ZNF385B: variants seen among roughly 807,000 people sequenced by gnomAD.
ZNF385B encodes zinc finger protein 385B, also known as zinc finger protein 533.
Under a neutral mutation model 39.2 loss-of-function variants are expected in ZNF385B, and 23 were observed. The observed-to-expected ratio is 0.59, with a 90% CI of 0.42 to 0.83. ZNF385B has a LOEUF of 0.83. ZNF385B is among the 40% of genes least tolerant of loss of function. The pLI, the probability that ZNF385B is intolerant of heterozygous loss-of-function variation, is 0.00. For missense variants in ZNF385B, 552 were observed against 598.9 expected (o/e 0.92, Z 0.82); for synonymous variants, 205 against 222.6 (o/e 0.92, Z 0.70).
At chr2:179,707,523 C>G (rs556395096) in intron 3 of ZNF385B, among the ~76,000 whole-genome samples, 14 of 152,326 alleles carry the variant, frequency 9.2e-5, no homozygotes, top group African/African-American at 3.1e-4. Flanking sequence ...AGCATGCTAT[C>G]TATGCTGGGC....
intron 3 of ZNF385B, among the ~76,000 whole-genome samples, chr2:179,634,087 C>A (rs575220640): frequency 1.6e-4 from 25 of 152,072 alleles, no homozygotes; most frequent in South Asian, 8.3e-4. Context: ...AAATGTTAGA[C>A]CTAAAACCAT....
Position 179,801,803 on chromosome 2 carries a change from A to T in ZNF385B, c.-154-31131T>A, listed in dbSNP as rs547676733. Reference sequence around the variant, plus strand: ...ATCACAGCACTGTGGAGGAACTAAGAAATGGAAAGTTGCAATATACAAAAT... The same window carrying T: ...ATCACAGCACTGTGGAGGAACTAAGTAATGGAAAGTTGCAATATACAAAAT... On this transcript the variant is annotated intron_variant, in intron 1 of 9. Transcript: ENST00000410066. Among the ~76,000 whole-genome samples the T allele has an allele frequency of 3.9e-5, 6 of 152,290 alleles. No individual in the cohort carries two copies. The East Asian group carries it at 1.2e-3, about 29-fold the overall frequency.
intron 3 of ZNF385B, among the ~76,000 whole-genome samples, chr2:179,619,016 T>C (rs969056437): frequency 2.0e-5 from 3 of 152,156 alleles, no homozygotes; most frequent in Non-Finnish European, 4.4e-5. Context: ...GTCTGTTTAC[T>C]AACAAAAAAT....
chr2:179,676,036 C>T (rs1696725565), intron 3 of ZNF385B, among the ~76,000 whole-genome samples: 1 of 151,208 alleles, frequency 6.6e-6, no homozygotes, highest in South Asian at 2.1e-4. Flanking sequence ...ATTGGCCCAC[C>T]CTCAGCCTCC....
At chr2:179,603,623 T>C (rs1688576436) in intron 3 of ZNF385B, among the ~76,000 whole-genome samples, 1 of 152,198 alleles carries the variant, frequency 6.6e-6, no homozygotes, top group South Asian at 2.1e-4. Flanking sequence ...CTAGCTCCTA[T>C]ATTATATCAT....
rs183115281 is a variant in ZNF385B, at chr2:179,476,149, T to C, written c.715+7123A>G. 1.2e-3 allele frequency among the ~76,000 whole-genome samples: 189 copies of C among 152,068 alleles called. 1 individual carries two copies. Among genetic ancestry groups the C allele is most frequent in the Non-Finnish European group, 4.1e-4 (28 of 68,020 alleles). On this transcript the variant is annotated intron_variant, in intron 6 of 9. Coordinates refer to ENST00000410066, the MANE Select transcript of ZNF385B (RefSeq NM_152520.6). Reference sequence around the variant, plus strand: ...ATCATCCACCTGTGTCAGAAAAATATGTCATGTAAGAGAATTCTTCCTGAA... The same window carrying C: ...ATCATCCACCTGTGTCAGAAAAATACGTCATGTAAGAGAATTCTTCCTGAA...
chr2:179,613,172 T>C (rs558030624), intron 3 of ZNF385B, among the ~76,000 whole-genome samples: 2 of 152,294 alleles, frequency 1.3e-5, no homozygotes, highest in South Asian at 4.1e-4. Flanking sequence ...CAGAAATGCT[T>C]TTCCAGAGCC....
At chr2:179,740,686 T>C (rs1273067739) in intron 3 of ZNF385B, among the ~76,000 whole-genome samples, 1 of 152,102 alleles carries the variant, frequency 6.6e-6, no homozygotes, top group Non-Finnish European at 1.5e-5. Flanking sequence ...GATGCCAACA[T>C]GGGGACGGGA....
chr2:179,585,485 C>T (rs1365611161), intron 3 of ZNF385B, among the ~76,000 whole-genome samples: 2 of 152,234 alleles, frequency 1.3e-5, no homozygotes, highest in East Asian at 3.9e-4. Flanking sequence ...ACTCATTCTG[C>T]ACTATGATTA....
chr2:179,751,034 A>C (rs188503475), intron 3 of ZNF385B, among the ~76,000 whole-genome samples: 156 of 152,272 alleles, frequency 1.0e-3, no homozygotes, highest in African/African-American at 3.6e-3. Context: ...ATCATTTAAA[A>C]TTAATGTTCA....
chr2:179,729,606 T>C (rs572883842), intron 3 of ZNF385B, among the ~76,000 whole-genome samples: 77 of 152,304 alleles, frequency 5.1e-4, no homozygotes, highest in Non-Finnish European at 5.9e-4. Context: ...ATTTTGTAAA[T>C]ATTCCAAGGG....
chr2:179,610,297 T>G (rs1689182577), intron 3 of ZNF385B, among the ~76,000 whole-genome samples: 1 of 152,180 alleles, frequency 6.6e-6, no homozygotes, highest in South Asian at 2.1e-4. Context: ...CTCAGCACAA[T>G]TTATTGAAGA....
At chr2:179,548,485 A>G (rs570483675) in intron 3 of ZNF385B, among the ~76,000 whole-genome samples, 2 of 149,736 alleles carry the variant, frequency 1.3e-5, no homozygotes, top group African/African-American at 5.0e-5. Flanking sequence ...ATTCATCTGA[A>G]TTGTAGAATT....
chr2:179,550,396 T>C (rs2105924349), intron 3 of ZNF385B, among the ~76,000 whole-genome samples: 1 of 149,468 alleles, frequency 6.7e-6, no homozygotes, highest in Non-Finnish European at 1.5e-5. Context: ...GATTACTCCA[T>C]CAACAAAGGT....
intron 3 of ZNF385B, among the ~76,000 whole-genome samples, chr2:179,738,589 A>G (rs1701905358): frequency 6.6e-6 from 1 of 152,124 alleles, no homozygotes; most frequent in Admixed American, 6.6e-5. Context: ...GTTAGTTGAA[A>G]CTGATCATGT....
chr2:179,698,397 C>A (rs1432864097), intron 3 of ZNF385B, among the ~76,000 whole-genome samples: 1 of 152,090 alleles, frequency 6.6e-6, no homozygotes, highest in Non-Finnish European at 1.5e-5. Context: ...ACTGAAGATT[C>A]TAGAAGGCAA....
rs188573456 is a variant in ZNF385B, at chr2:179,806,325, C to T, written c.-154-35653G>A. Among the ~76,000 whole-genome samples, 396 of 152,270 alleles carry T rather than the reference C, an allele frequency of 2.6e-3. 3 individuals carry two copies. Among genetic ancestry groups the T allele is most frequent in the African/African-American group, 9.4e-3 (391 of 41,536 alleles). On this transcript the variant is annotated intron_variant, in intron 1 of 9. Transcript: ENST00000410066. ...TAAAATTCTAAGACAACATGCCCCT[C>T]AATTTTAAATAATAGGATATTTCAT... is the stretch of plus-strand genomic sequence containing the variant.
chr2:179,847,740 CTAGAG>C (rs1185135406), intron 1 of ZNF385B, among the ~76,000 whole-genome samples: 4 of 152,258 alleles, frequency 2.6e-5, no homozygotes, highest in South Asian at 2.1e-4. Context: ...GTGGAAGGGA[CTAGAG>C]TAAAGAAGCA....
intron 3 of ZNF385B, among the ~76,000 whole-genome samples, chr2:179,612,562 C>T (rs1217953470): frequency 6.6e-6 from 1 of 152,134 alleles, no homozygotes; most frequent in Non-Finnish European, 1.5e-5. Context: ...TTGTTCTCTT[C>T]CCTTACTTTC....
Sources: allele counts gnomAD v4.1 joint callset (sites outside exome capture counted in the v4.1 genomes callset), GRCh38; gene constraint gnomAD v4.1.1; transcripts MANE v1.5; gene names NCBI Gene and HGNC (gene_info 2026-07-23, HGNC 2026-07-21).